Variants in RSU1 observed in about 807,000 individuals in gnomAD.
RSU1 encodes the protein rsu-1.
Under a neutral mutation model 31.1 loss-of-function variants are expected in RSU1, and 26 were observed. That is an observed-to-expected ratio of 0.84 (90% CI 0.61 to 1.16). The LOEUF (loss-of-function observed/expected upper bound fraction) is 1.16, where lower values mean the gene tolerates loss of function less well. Among genes scored for constraint, RSU1 ranks in the 50% most tolerant of loss-of-function variants. The pLI, the probability that RSU1 is intolerant of heterozygous loss-of-function variation, is 0.00. For missense variants in RSU1, 320 were observed against 339.1 expected, an observed-to-expected ratio of 0.94 and a Z score of 0.44; for synonymous variants, 164 against 136.3, an observed-to-expected ratio of 1.20 and a Z score of -1.41.
At chr10:16,778,260 C>T (rs1837577503) in intron 3 of RSU1, among the ~76,000 whole-genome samples, 1 of 151,964 alleles carries the variant, frequency 6.6e-6, no homozygotes, top group Non-Finnish European at 1.5e-5. Context: ...TTGAAATGAG[C>T]ACACAACGAG....
chr10:16,611,037 C>A (rs982436950), intron 8 of RSU1, among the ~76,000 whole-genome samples: 13 of 152,222 alleles, frequency 8.5e-5, no homozygotes, highest in East Asian at 3.9e-4. Flanking sequence ...TCTCTTCCCC[C>A]AAAGCACAAA....
chr10:16,645,214 A>G (rs1293586257), intron 8 of RSU1, among the ~76,000 whole-genome samples: 2 of 152,230 alleles, frequency 1.3e-5, no homozygotes, highest in African/African-American at 4.8e-5. Flanking sequence ...AGGTTGGTGA[A>G]GGTCACTTCT....
intron 7 of RSU1, among the ~76,000 whole-genome samples, chr10:16,751,983 G>T (rs1335000991): frequency 6.6e-6 from 1 of 152,102 alleles, no homozygotes; most frequent in Admixed American, 6.6e-5. Flanking sequence ...CAGCGGCCAG[G>T]AGTAGGATCC....
At chr10:16,623,673 C>G (rs1247461345) in intron 8 of RSU1, among the ~76,000 whole-genome samples, 1 of 152,190 alleles carries the variant, frequency 6.6e-6, no homozygotes, top group Non-Finnish European at 1.5e-5. Flanking sequence ...TCTCTGCAGC[C>G]TCGCCAGCAT....
chr10:16,817,040 C>T lies in RSU1; in HGVS notation c.42G>A (p.Glu14=). The change falls in exon 2 of 9, where the codon GAG becomes GAA. Residue 14 remains glutamate (E), a synonymous_variant. Coordinates refer to ENST00000345264, the MANE Select transcript of RSU1 (RefSeq NM_012425.4). ...SLKKLVEESR[E]KNQPEVDMSD... ...TCATGTCCACCTCGGGCTGGTTCTT[C>T]TCCCGGCTCTCCTCCACCAACTTCT... 1 of 1,614,236 alleles carries T rather than the reference C, an allele frequency of 6.2e-7. No individual in the cohort carries two copies. Among genetic ancestry groups the T allele is most frequent in the East Asian group, 2.2e-5 (1 of 44,888 alleles).
intron 7 of RSU1, among the ~76,000 whole-genome samples, chr10:16,719,648 G>A (rs999934094): frequency 4.6e-5 from 7 of 152,178 alleles, no homozygotes; most frequent in Non-Finnish European, 7.3e-5. Context: ...CCTTTGGTCT[G>A]CTTTTCCAAC....
At chr10:16,756,442 C>T (rs1351857095) in intron 4 of RSU1, among the ~76,000 whole-genome samples, 1 of 152,172 alleles carries the variant, frequency 6.6e-6, no homozygotes, top group African/African-American at 2.4e-5. Flanking sequence ...TCTGCCACCC[C>T]TGAGACCGCA....
At chr10:16,814,361 T>C (rs986028082) in intron 2 of RSU1, among the ~76,000 whole-genome samples, 40 of 151,276 alleles carry the variant, frequency 2.6e-4, no homozygotes, top group African/African-American at 1.7e-4. Flanking sequence ...GGTGGGAGGA[T>C]TGCTTGAGCC....
Position 16,784,741 on chromosome 10 carries a change from C to A in RSU1, c.110-2657G>T, listed in dbSNP as rs1280978323. 2.6e-5 allele frequency among the ~76,000 whole-genome samples: 4 copies of A among 152,264 alleles called. 1 individual carries two copies. The South Asian group carries it at 8.3e-4, about 32-fold the overall frequency. Reference sequence around the variant, plus strand: ...GCAGGGGAACTCCCCTTCATAAAACCATTCGATCTCGTGAGACTTATTCAC... The same window carrying A: ...GCAGGGGAACTCCCCTTCATAAAACAATTCGATCTCGTGAGACTTATTCAC... On this transcript the variant is annotated intron_variant, in intron 2 of 8. Coordinates refer to ENST00000345264, the MANE Select transcript of RSU1 (RefSeq NM_012425.4).
intron 8 of RSU1, among the ~76,000 whole-genome samples, chr10:16,661,885 G>A (rs1046561142): frequency 4.6e-5 from 7 of 152,178 alleles, no homozygotes; most frequent in African/African-American, 1.7e-4. Context: ...TCTGCCCCTT[G>A]AGGATTTTCC....
intron 2 of RSU1, among the ~76,000 whole-genome samples, chr10:16,795,426 G>A (rs150800814): frequency 6.6e-6 from 1 of 150,784 alleles, no homozygotes; most frequent in African/African-American, 2.4e-5. Flanking sequence ...CTTACCAAAT[G>A]CTTAAAACAT....
chr10:16,789,653 G>GA (rs1439749463), intron 2 of RSU1, among the ~76,000 whole-genome samples: 1 of 152,186 alleles, frequency 6.6e-6, no homozygotes, highest in Non-Finnish European at 1.5e-5. Flanking sequence ...AACGTGTCGG[G>GA]AAAATGGGAG....
At chr10:16,794,271 C>T (rs1837982229) in intron 2 of RSU1, among the ~76,000 whole-genome samples, 2 of 152,262 alleles carry the variant, frequency 1.3e-5, no homozygotes, top group South Asian at 2.1e-4. Flanking sequence ...ATATATATTG[C>T]CTATGGATTC....
intron 7 of RSU1, among the ~76,000 whole-genome samples, chr10:16,716,382 A>G (rs1022341181): frequency 2.6e-5 from 4 of 152,206 alleles, no homozygotes; most frequent in Non-Finnish European, 5.9e-5. Flanking sequence ...ACTATTGCAG[A>G]GAAAAAGCCA....
At chr10:16,756,858 T>G (rs1486307299) in intron 4 of RSU1, among the ~76,000 whole-genome samples, 1 of 141,734 alleles carries the variant, frequency 7.1e-6, no homozygotes, top group Non-Finnish European at 1.5e-5. Context: ...TGTGATGTTA[T>G]GTGTATGTGT....
chr10:16,679,434 C>G (rs567982742), intron 8 of RSU1, among the ~76,000 whole-genome samples: 5 of 152,088 alleles, frequency 3.3e-5, no homozygotes, highest in Non-Finnish European at 7.3e-5. Context: ...GTGATAGCCA[C>G]TGTTATTATT....
chr10:16,626,695 G>A (rs916853702), intron 8 of RSU1, among the ~76,000 whole-genome samples: 6 of 152,190 alleles, frequency 3.9e-5, no homozygotes, highest in Admixed American at 1.3e-4. Context: ...ATCTGAAAAG[G>A]AGAAATGAAA....
At chr10:16,712,328 T>G (rs1836037897) in intron 7 of RSU1, among the ~76,000 whole-genome samples, 1 of 152,210 alleles carries the variant, frequency 6.6e-6, no homozygotes, top group South Asian at 2.1e-4. Context: ...CCATTTATAT[T>G]CAAGGTCATA....
intron 5 of RSU1, among the ~76,000 whole-genome samples, 171 bp from the exon 6 acceptor site, chr10:16,753,171 T>C (rs1837014823): frequency 6.6e-6 from 1 of 152,176 alleles, no homozygotes; most frequent in Non-Finnish European, 1.5e-5. Flanking sequence ...TTTACTGGCT[T>C]ATTGTGTAGC....
Sources: gnomAD v4.1 joint callset for allele counts (sites outside exome capture counted in the v4.1 genomes callset) on GRCh38, gnomAD v4.1.1 for gene constraint, MANE v1.5 for transcripts, NCBI Gene and HGNC (gene_info 2026-07-23, HGNC 2026-07-21) for gene names.